Variants in MACROD1 observed in about 807,000 individuals in gnomAD.
The protein encoded by MACROD1 is mono-ADP ribosylhydrolase 1.
MACROD1 carries 31 observed loss-of-function variants against 41.4 expected under a neutral mutation model. The observed-to-expected ratio is 0.75, with a 90% CI of 0.56 to 1.01. The LOEUF (loss-of-function observed/expected upper bound fraction) is 1.01. Among genes scored for constraint, MACROD1 ranks in the 50% least tolerant of loss-of-function variants. MACROD1 has a pLI of 0.00. For synonymous variants in MACROD1, 252 were observed against 203.4 expected, an observed-to-expected ratio of 1.24 and a Z score of -2.03; for missense variants, 473 against 460.0, an observed-to-expected ratio of 1.03 and a Z score of -0.26.
At chr11:64,024,195 G>A (rs897830385) in intron 3 of MACROD1, among the ~76,000 whole-genome samples, 3 of 152,244 alleles carry the variant, frequency 2.0e-5, no homozygotes, top group African/African-American at 7.2e-5. Flanking sequence ...CGCTCATGGC[G>A]CAGACTCGGC....
In MACROD1 at chr11:64,165,918, G is replaced by T. The variant is rs528917108; in HGVS notation, c.77C>A (p.Pro26His). ...AAGQLLVPPR[P>H]RPGHLAGATR... ...GGCACCCGCCAAGTGTCCGGGCCGGGGGCGCGGGGGGACGAGCAGCTGCCC... is the reference window on the plus strand; with the variant it reads ...GGCACCCGCCAAGTGTCCGGGCCGGTGGCGCGGGGGGACGAGCAGCTGCCC... Residue 26 changes from proline to histidine, a missense_variant, in exon 1 of 11, where the codon CCC (proline) becomes CAC (histidine). By Grantham distance (77) the Pro-to-His change is moderately conservative. Coordinates refer to ENST00000255681, the MANE Select transcript of MACROD1 (RefSeq NM_014067.4). The T allele has an allele frequency of 7.5e-7, 1 of 1,330,516 alleles. No homozygotes were observed. The highest frequency in any genetic ancestry group is 4.1e-5 in the Admixed American group (1 of 24,544). The allele number at this position is 1,330,516 out of a possible 1,614,324, so 82.4% of individuals were successfully genotyped here.
At chr11:64,044,811 C>T (rs116051221) in intron 3 of MACROD1, among the ~76,000 whole-genome samples, 2,736 of 152,264 alleles carry the variant, frequency 0.018, 78 homozygotes, top group African/African-American at 0.062. Flanking sequence ...CTGCCCAGGA[C>T]CTCTGAGCTG....
At chr11:64,150,134 G>A (rs1183430619) in intron 3 of MACROD1, among the ~76,000 whole-genome samples, 1 of 152,236 alleles carries the variant, frequency 6.6e-6, no homozygotes, top group East Asian at 1.9e-4. Flanking sequence ...ATAGAGCAAG[G>A]TTGCTTCAGG....
chr11:64,062,419 C>A (rs1362392780), intron 3 of MACROD1, among the ~76,000 whole-genome samples: 1 of 152,318 alleles, frequency 6.6e-6, no homozygotes, highest in Middle Eastern at 3.4e-3. Context: ...TCTGCCCACA[C>A]CCTGGAACCA....
chr11:64,062,226 C>T (rs1255890479), intron 3 of MACROD1, among the ~76,000 whole-genome samples: 1 of 152,120 alleles, frequency 6.6e-6, no homozygotes, highest in East Asian at 1.9e-4. Context: ...CTCCCCTTTG[C>T]TTCTTGGAGT....
At chr11:64,117,225 C>A in intron 3 of MACROD1, 4 of 1,614,210 alleles carry the variant, frequency 2.5e-6, no homozygotes, top group Non-Finnish European at 3.4e-6. Context: ...CCTGGGGAAC[C>A]TGGCCCAGCT....
chr11:64,017,556 T>G (rs1943097797), intron 3 of MACROD1, among the ~76,000 whole-genome samples: 1 of 152,092 alleles, frequency 6.6e-6, no homozygotes, highest in African/African-American at 2.4e-5. Flanking sequence ...GGGTGGGGCT[T>G]GCCTTCTCGA....
At chr11:64,119,950 G>A (rs1565244938) in intron 3 of MACROD1, among the ~76,000 whole-genome samples, 1 of 152,200 alleles carries the variant, frequency 6.6e-6, no homozygotes, top group East Asian at 1.9e-4. Context: ...ATCTGTCACT[G>A]TGCCGCTTGT....
At chr11:64,001,431 A>G (rs1423054505) in intron 4 of MACROD1, 2 of 702,400 alleles carry the variant, frequency 2.8e-6, no homozygotes, top group Non-Finnish European at 5.2e-6. Flanking sequence ...GCATCAAGAG[A>G]GGACCATCAT....
chr11:64,162,859 G>A (rs1257573474), intron 1 of MACROD1, among the ~76,000 whole-genome samples: 1 of 150,670 alleles, frequency 6.6e-6, no homozygotes, highest in African/African-American at 2.4e-5. Context: ...AGTGACTCAC[G>A]CCTGTAACCC....
At chr11:64,000,455 G>A (rs571750087) in intron 4 of MACROD1, 112 bp from the exon 5 acceptor site, 16 of 630,550 alleles carry the variant, frequency 2.5e-5, no homozygotes, top group Non-Finnish European at 3.9e-5. Context: ...GCGGAGCCGC[G>A]CCCCAACCCC....
chr11:64,078,528 G>A (rs867946295), intron 3 of MACROD1, among the ~76,000 whole-genome samples: 3 of 152,224 alleles, frequency 2.0e-5, no homozygotes, highest in Admixed American at 6.5e-5. Flanking sequence ...AGGGATACCC[G>A]GGAGGGGAGC....
chr11:64,106,239 G>C (rs984764115), intron 3 of MACROD1, among the ~76,000 whole-genome samples: 1 of 152,206 alleles, frequency 6.6e-6, no homozygotes, highest in African/African-American at 2.4e-5. Context: ...GCACAATCCA[G>C]ACCTTTCCCT....
chr11:64,145,228 C>T (rs1425610450), intron 3 of MACROD1, among the ~76,000 whole-genome samples: 1 of 152,208 alleles, frequency 6.6e-6, no homozygotes, highest in Non-Finnish European at 1.5e-5. Flanking sequence ...CGGCTTGTCG[C>T]TGTGAAACAT....
chr11:64,014,598 G>A (rs545412899), intron 4 of MACROD1, among the ~76,000 whole-genome samples: 12 of 152,320 alleles, frequency 7.9e-5, no homozygotes, highest in Admixed American at 2.0e-4. Context: ...GGGGCTGCAG[G>A]ACTGGGCTGA....
At chr11:64,117,251 C>T (rs200363178) in intron 3 of MACROD1, 15 of 1,614,106 alleles carry the variant, frequency 9.3e-6, no homozygotes, top group Admixed American at 3.3e-5. Context: ...TCAGGAACAA[C>T]CCTTGGTTTT....
intron 3 of MACROD1, among the ~76,000 whole-genome samples, chr11:64,078,954 C>T (rs12796663): frequency 0.47 from 71,704 of 151,874 alleles, 18,740 homozygotes; most frequent in Non-Finnish European, 0.59. Context: ...TGGTGAATGG[C>T]GGAGACAGAG....
intron 1 of MACROD1, among the ~76,000 whole-genome samples, chr11:64,161,828 G>A (rs1945760711): frequency 1.8e-5 from 2 of 110,498 alleles, no homozygotes. Context: ...TCAGCACTTT[G>A]GGAGGCCGAG....
At chr11:64,037,984 G>C (rs1943414584) in intron 3 of MACROD1, among the ~76,000 whole-genome samples, 1 of 152,236 alleles carries the variant, frequency 6.6e-6, no homozygotes, top group East Asian at 1.9e-4. Flanking sequence ...CAAGGGCTGA[G>C]GGTATCTGCA....
Sources: gnomAD v4.1 joint callset for allele counts (sites outside exome capture counted in the v4.1 genomes callset) on GRCh38, gnomAD v4.1.1 for gene constraint, MANE v1.5 for transcripts, NCBI Gene and HGNC (gene_info 2026-07-23, HGNC 2026-07-21) for gene names.